Variants in GLIS3 observed in about 807,000 individuals in gnomAD.
GLIS3 encodes zinc finger protein GLIS3.
In GLIS3, 53 loss-of-function variants were observed where a neutral mutation model predicts 78.6. That is an observed-to-expected ratio of 0.67 (90% CI 0.54 to 0.85). The LOEUF (loss-of-function observed/expected upper bound fraction) is 0.85. Ranked by LOEUF, GLIS3 falls within the 40% of genes least tolerant of loss-of-function variation. GLIS3 has a pLI of 0.00. For missense variants in GLIS3, 1,703 were observed against 1,231.1 expected, an observed-to-expected ratio of 1.38 and a Z score of -5.74; for synonymous variants, 684 against 509.9, an observed-to-expected ratio of 1.34 and a Z score of -4.60.
chr9:4,332,035 A>C (rs2130567662), intron 2 of GLIS3, among the ~76,000 whole-genome samples: 1 of 152,272 alleles, frequency 6.6e-6, no homozygotes, highest in East Asian at 1.9e-4. Flanking sequence ...TGTTATCCCT[A>C]AATCTTCTCT....
intron 4 of GLIS3, among the ~76,000 whole-genome samples, chr9:4,003,367 A>G (rs1011087648): frequency 1.3e-5 from 2 of 152,204 alleles, no homozygotes; most frequent in Admixed American, 6.5e-5. Flanking sequence ...AAGAGGACAG[A>G]GATAGAGGTA....
intron 4 of GLIS3, among the ~76,000 whole-genome samples, chr9:4,063,688 G>A (rs550592521): frequency 3.9e-5 from 6 of 152,178 alleles, no homozygotes; most frequent in African/African-American, 1.2e-4. Flanking sequence ...ACAAGAAAAC[G>A]AATGAGACAA....
intron 2 of GLIS3, among the ~76,000 whole-genome samples, chr9:4,328,001 C>T (rs1038479110): frequency 3.9e-5 from 6 of 152,184 alleles, no homozygotes; most frequent in African/African-American, 7.2e-5. Context: ...TCCACATGCA[C>T]GTGACTCATG....
chr9:4,285,268 C>A (rs1400411468), intron 2 of GLIS3, among the ~76,000 whole-genome samples: 1 of 152,108 alleles, frequency 6.6e-6, no homozygotes, highest in East Asian at 1.9e-4. Flanking sequence ...TACAATATAA[C>A]CTCATTAATT....
intron 2 of GLIS3, among the ~76,000 whole-genome samples, chr9:4,328,520 G>A (rs1271665658): frequency 2.0e-5 from 3 of 152,210 alleles, no homozygotes; most frequent in African/African-American, 7.2e-5. Context: ...TCCCCTGACA[G>A]ATCAGCCCCT....
chr9:4,169,060 G>C (rs1019452441), intron 2 of GLIS3, among the ~76,000 whole-genome samples: 1 of 152,176 alleles, frequency 6.6e-6, no homozygotes, highest in East Asian at 1.9e-4. Context: ...GCTTTAATGA[G>C]GAAGATGGGA....
At chr9:4,461,651 C>T in the GLIS3 span, among the ~76,000 whole-genome samples, 1 of 152,044 alleles carries the variant, frequency 6.6e-6, no homozygotes, top group Non-Finnish European at 1.5e-5. Context: ...TTGCTTTGGC[C>T]AATGAGATAT....
intron 2 of GLIS3, among the ~76,000 whole-genome samples, chr9:4,160,850 G>C (rs1035365660): frequency 6.6e-6 from 1 of 152,180 alleles, no homozygotes; most frequent in African/African-American, 2.4e-5. Context: ...AAACCAGGTA[G>C]TCACCTGTCT....
intron 2 of GLIS3, among the ~76,000 whole-genome samples, chr9:4,332,827 G>T (rs897780616): frequency 6.6e-6 from 1 of 151,958 alleles, no homozygotes; most frequent in Non-Finnish European, 1.5e-5. Context: ...ACGTCTACTG[G>T]GTACTAGATA....
chr9:4,002,193 G>A (rs543531081), intron 4 of GLIS3, among the ~76,000 whole-genome samples: 1 of 152,238 alleles, frequency 6.6e-6, no homozygotes, highest in East Asian at 1.9e-4. Flanking sequence ...CAAGAGGTTG[G>A]AGTGACATGA....
chr9:4,396,938 G>A, the GLIS3 span, among the ~76,000 whole-genome samples: 1 of 151,240 alleles, frequency 6.6e-6, no homozygotes, highest in Non-Finnish European at 1.5e-5. Flanking sequence ...CCCAGGCACT[G>A]TTAACCTTTT....
At chr9:4,374,344 G>A in the GLIS3 span, among the ~76,000 whole-genome samples, 1 of 152,216 alleles carries the variant, frequency 6.6e-6, no homozygotes, top group African/African-American at 2.4e-5. Flanking sequence ...GATGGAAAGG[G>A]CTGCTGTGGA....
At chr9:4,026,809 T>G (rs529558485) in intron 4 of GLIS3, among the ~76,000 whole-genome samples, 1 of 152,328 alleles carries the variant, frequency 6.6e-6, no homozygotes, top group South Asian at 2.1e-4. Flanking sequence ...AAAATTAACT[T>G]CTATTGGCCA....
At chr9:4,368,315 G>A in the GLIS3 span, among the ~76,000 whole-genome samples, 2 of 151,576 alleles carry the variant, frequency 1.3e-5, no homozygotes, top group African/African-American at 2.4e-5. Context: ...AAGAGCACTG[G>A]GTAGGGAGCG....
chr9:4,116,737 G>T (rs1320595313), intron 4 of GLIS3, among the ~76,000 whole-genome samples: 5 of 152,142 alleles, frequency 3.3e-5, no homozygotes, highest in Non-Finnish European at 7.3e-5. Flanking sequence ...TGTTTAAATT[G>T]ATTTATATAT....
At chr9:4,471,870 T>G in the GLIS3 span, among the ~76,000 whole-genome samples, 33 of 152,306 alleles carry the variant, frequency 2.2e-4, no homozygotes, top group African/African-American at 7.2e-4. Flanking sequence ...GACAGAGGGC[T>G]AATATCCAGA....
the GLIS3 span, among the ~76,000 whole-genome samples, chr9:4,408,692 A>C: frequency 7.9e-6 from 1 of 127,206 alleles, no homozygotes; most frequent in Admixed American, 8.6e-5. Flanking sequence ...ACGCCACCGC[A>C]CTCCAGCCTG....
At chr9:4,285,770 T>A in intron 2 of GLIS3, 1 of 473,040 alleles carries the variant, frequency 2.1e-6, no homozygotes, top group Middle Eastern at 4.1e-4. Flanking sequence ...CCACTCAGCC[T>A]GCCTCCCTAT....
chr9:4,071,475 A>C (rs1827606781), intron 4 of GLIS3: 1 of 152,250 alleles, frequency 6.6e-6, no homozygotes, highest in African/African-American at 2.4e-5. Flanking sequence ...GATTAGAATA[A>C]GGATTTGAAA....
Sources: allele counts gnomAD v4.1 joint callset (sites outside exome capture counted in the v4.1 genomes callset), GRCh38; gene constraint gnomAD v4.1.1; transcripts MANE v1.5; gene names NCBI Gene and HGNC (gene_info 2026-07-23, HGNC 2026-07-21).